Variants in LOC400499 observed in about 807,000 individuals in gnomAD.
chr16:11,407,282 C>T, the LOC400499 span: 31 of 398,770 alleles, frequency 7.8e-5, no homozygotes, highest in Admixed American at 5.7e-4. Context: ...GTGAAAATGA[C>T]GCTCCTCCAC....
the LOC400499 span, among the ~76,000 whole-genome samples, chr16:11,390,934 C>T: frequency 0.29 from 43,536 of 152,172 alleles, 6,371 homozygotes; most frequent in Middle Eastern, 0.33. Flanking sequence ...AGCGCTGGGA[C>T]TGGGAGAGTA....
chr16:11,445,558 A>G, the LOC400499 span, among the ~76,000 whole-genome samples: 23 of 152,166 alleles, frequency 1.5e-4, no homozygotes, highest in Non-Finnish European at 3.4e-4. Flanking sequence ...GGCAAAGCTG[A>G]AGGAGAGGGT....
chr16:11,454,596 A>G, the LOC400499 span, among the ~76,000 whole-genome samples: 1 of 152,238 alleles, frequency 6.6e-6, no homozygotes, highest in Non-Finnish European at 1.5e-5. Flanking sequence ...ATGCTTGGAA[A>G]AGGCAAGGGA....
chr16:11,487,272 T>A, the LOC400499 span: 1 of 398,770 alleles, frequency 2.5e-6, no homozygotes, highest in Non-Finnish European at 4.4e-6. Flanking sequence ...CTCCAGAAGG[T>A]TGAAGGCACG....
chr16:11,507,321 C>T, the LOC400499 span, among the ~76,000 whole-genome samples: 1 of 152,192 alleles, frequency 6.6e-6, no homozygotes, highest in East Asian at 1.9e-4. Flanking sequence ...GAGGAGAGGC[C>T]AGAGATGCTG....
At chr16:11,448,085 T>C in the LOC400499 span, 6 of 1,532,612 alleles carry the variant, frequency 3.9e-6, no homozygotes, top group Middle Eastern at 1.7e-4. Context: ...TGCAACAAGA[T>C]CCAGGCTGAA....
the LOC400499 span, among the ~76,000 whole-genome samples, chr16:11,506,322 G>C: frequency 6.6e-6 from 1 of 152,162 alleles, no homozygotes; most frequent in East Asian, 1.9e-4. Context: ...ACTGAGCCTG[G>C]CCACAACTTA....
the LOC400499 span, chr16:11,442,180 G>T: frequency 6.6e-6 from 1 of 152,268 alleles, no homozygotes; most frequent in Middle Eastern, 3.4e-3. Context: ...TCCAAGACGA[G>T]AGAAAAATGT....
At chr16:11,391,612 GA>G in the LOC400499 span, 16 of 1,218,776 alleles carry the variant, frequency 1.3e-5, no homozygotes, top group Non-Finnish European at 1.4e-5. Flanking sequence ...CCCCGGTGGA[GA>G]GGGGGGACAT....
At chr16:11,491,293 T>TA in the LOC400499 span, among the ~76,000 whole-genome samples, 1 of 152,182 alleles carries the variant, frequency 6.6e-6, no homozygotes, top group African/African-American at 2.4e-5. Context: ...GGTGCCTGTA[T>TA]AAAGGGAATT....
the LOC400499 span, among the ~76,000 whole-genome samples, chr16:11,426,033 T>C: frequency 2.6e-5 from 4 of 152,228 alleles, no homozygotes; most frequent in South Asian, 6.2e-4. Context: ...GTTGGTTTCA[T>C]ACCGAAGTCC....
chr16:11,393,435 AAC>A, the LOC400499 span: 1 of 1,232,272 alleles, frequency 8.1e-7, no homozygotes, highest in Non-Finnish European at 1.0e-6. Context: ...TGGGGCCCGG[AAC>A]ACAGACAGCC....
the LOC400499 span, among the ~76,000 whole-genome samples, chr16:11,421,529 G>A: frequency 0.024 from 3,690 of 152,192 alleles, 56 homozygotes; most frequent in Non-Finnish European, 0.039. Context: ...CGCCTCCCAA[G>A]TAGCTGGGAT....
the LOC400499 span, among the ~76,000 whole-genome samples, chr16:11,403,939 T>C: frequency 6.6e-6 from 1 of 152,226 alleles, no homozygotes; most frequent in Non-Finnish European, 1.5e-5. Flanking sequence ...AGACGCTGCA[T>C]GACCTGGGTC....
chr16:11,467,736 A>G, the LOC400499 span, among the ~76,000 whole-genome samples: 1 of 152,248 alleles, frequency 6.6e-6, no homozygotes, highest in Non-Finnish European at 1.5e-5. Flanking sequence ...GATAGACAAA[A>G]TAAAACCCAG....
the LOC400499 span, among the ~76,000 whole-genome samples, chr16:11,522,884 G>C: frequency 6.6e-6 from 1 of 152,146 alleles, no homozygotes. Context: ...CTGATTTAGG[G>C]AACAGAGAGG....
At chr16:11,430,837 T>C in the LOC400499 span, among the ~76,000 whole-genome samples, 579 of 152,326 alleles carry the variant, frequency 3.8e-3, 3 homozygotes, top group African/African-American at 0.013. Context: ...CAGTTTTTAG[T>C]GAGCAGATTT....
the LOC400499 span, among the ~76,000 whole-genome samples, chr16:11,403,652 C>T: frequency 6.6e-6 from 1 of 152,214 alleles, no homozygotes. Context: ...TCTGTCTCCA[C>T]ACCTGGCAGG....
At chr16:11,455,891 G>A in the LOC400499 span, among the ~76,000 whole-genome samples, 1 of 151,828 alleles carries the variant, frequency 6.6e-6, no homozygotes, top group African/African-American at 2.4e-5. Flanking sequence ...ACGTAGTTCA[G>A]GTCTACACAA....
Sources: gnomAD v4.1 joint callset for allele counts (sites outside exome capture counted in the v4.1 genomes callset) on GRCh38, gnomAD v4.1.1 for gene constraint, MANE v1.5 for transcripts.